The following CNTNAP5 variants were observed in gnomAD, a reference collection of about 807,000 sequenced individuals.
CNTNAP5 encodes the protein contactin associated protein family member 5.
In CNTNAP5, 72 loss-of-function variants were observed where a neutral mutation model predicts 150.2. The observed-to-expected ratio is 0.48, with a 90% CI of 0.40 to 0.58. The LOEUF is 0.58. CNTNAP5 is among the 20% of genes least tolerant of loss of function. The pLI is 0.00. For synonymous variants in CNTNAP5, 672 were observed against 619.8 expected (o/e 1.08, Z -1.25); for missense variants, 1,636 against 1,626.2 (o/e 1.01, Z -0.10).
At chr2:124,630,567 C>T (rs184905802) in intron 12 of CNTNAP5, among the ~76,000 whole-genome samples, 6 of 152,212 alleles carry the variant, frequency 3.9e-5, no homozygotes, top group Non-Finnish European at 7.4e-5. Context: ...ATTGAAGGAA[C>T]ATACCTCAAA....
chr2:124,589,285 A>G (rs1696624901), intron 11 of CNTNAP5, among the ~76,000 whole-genome samples: 1 of 152,150 alleles, frequency 6.6e-6, no homozygotes, highest in African/African-American at 2.4e-5. Flanking sequence ...ATGGAATCAT[A>G]CAATATATGC....
chr2:124,255,368 C>G (rs1687281527), intron 3 of CNTNAP5, among the ~76,000 whole-genome samples: 1 of 151,424 alleles, frequency 6.6e-6, no homozygotes, highest in Non-Finnish European at 1.5e-5. Context: ...ACTAAAAATA[C>G]AAAAATTTAG....
At chr2:124,064,999 TG>T (rs1253321143) in intron 1 of CNTNAP5, among the ~76,000 whole-genome samples, 1 of 152,186 alleles carries the variant, frequency 6.6e-6, no homozygotes, top group Non-Finnish European at 1.5e-5. Flanking sequence ...AATTATTTGT[TG>T]GATTAATTCT....
At chr2:124,388,276 G>C (rs1242746579) in intron 3 of CNTNAP5, among the ~76,000 whole-genome samples, 2 of 152,174 alleles carry the variant, frequency 1.3e-5, no homozygotes, top group Non-Finnish European at 2.9e-5. Flanking sequence ...CTGAAGCCTG[G>C]GGGAGCAGTG....
chr2:124,055,352 C>G (rs2104647035), intron 1 of CNTNAP5, among the ~76,000 whole-genome samples: 1 of 152,280 alleles, frequency 6.6e-6, no homozygotes, highest in South Asian at 2.1e-4. Context: ...CTGTCCTCCT[C>G]CTCATCTCCT....
At chr2:124,530,453 A>G (rs985333331) in intron 10 of CNTNAP5, among the ~76,000 whole-genome samples, 2 of 152,314 alleles carry the variant, frequency 1.3e-5, no homozygotes, top group Admixed American at 1.3e-4. Flanking sequence ...AGACCCTGAC[A>G]CCTGCTTCCC....
chr2:124,178,897 A>G (rs1573814649), intron 1 of CNTNAP5, among the ~76,000 whole-genome samples: 1 of 148,848 alleles, frequency 6.7e-6, no homozygotes, highest in Middle Eastern at 3.2e-3. Flanking sequence ...AAGCTCTCTG[A>G]TTTTTATTTG....
In CNTNAP5 at chr2:124,193,720, T is replaced by A. The variant is rs116808589; in HGVS notation, c.83-27985T>A. Among the ~76,000 whole-genome samples, 1,239 of 152,322 alleles carry A rather than the reference T, an allele frequency of 8.1e-3. 17 individuals are homozygous for A. Among genetic ancestry groups the A allele is most frequent in the African/African-American group, 0.027 (1,140 of 41,560 alleles). On this transcript the variant is annotated intron_variant, in intron 1 of 23. Transcript: ENST00000682447. ...TCACCCTAGTATTTCTTTTCTTTATTCTACAATTAGTTTATGAAATGTGAA... is the reference window on the plus strand; with the variant it reads ...TCACCCTAGTATTTCTTTTCTTTATACTACAATTAGTTTATGAAATGTGAA...
At chr2:124,530,187 G>C (rs1487112632) in intron 10 of CNTNAP5, among the ~76,000 whole-genome samples, 1 of 152,144 alleles carries the variant, frequency 6.6e-6, no homozygotes, top group Admixed American at 6.5e-5. Context: ...ACACATGTCT[G>C]TAATCTCAGC....
rs185446365 is a variant in CNTNAP5 at position 124,291,637 on chromosome 2, C to A, written c.381+49244C>A. Among the ~76,000 whole-genome samples, 257 of 151,830 alleles carry A rather than the reference C, an allele frequency of 1.7e-3. 1 individual carries two copies. Among genetic ancestry groups the A allele is most frequent in the Non-Finnish European group, 2.7e-3 (184 of 67,972 alleles). ...ATTTCCTAAGGAGAAAAAAATGCTG[C>A]CAAATAAACACTGACACACTGCTTT... is the stretch of plus-strand genomic sequence containing the variant. On this transcript the variant is annotated intron_variant, in intron 3 of 23. Transcript: ENST00000682447.
At chr2:124,371,341 C>T (rs1690520619) in intron 3 of CNTNAP5, among the ~76,000 whole-genome samples, 1 of 152,004 alleles carries the variant, frequency 6.6e-6, no homozygotes, top group South Asian at 2.1e-4. Context: ...CTTAGTCTAC[C>T]AAAGTATGTA....
chr2:124,675,995 G>A (rs1056842564), intron 13 of CNTNAP5, among the ~76,000 whole-genome samples: 1 of 151,996 alleles, frequency 6.6e-6, no homozygotes, highest in Non-Finnish European at 1.5e-5. Flanking sequence ...TACAGATACA[G>A]GTTTGTTTTC....
chr2:124,547,899 A>G (rs2104913451), intron 10 of CNTNAP5, among the ~76,000 whole-genome samples: 1 of 152,220 alleles, frequency 6.6e-6, no homozygotes, highest in South Asian at 2.1e-4. Flanking sequence ...GAGGTTCAGC[A>G]TTTCCTGAAG....
At chr2:124,602,643 G>A (rs1036718631) in intron 11 of CNTNAP5, among the ~76,000 whole-genome samples, 3 of 152,032 alleles carry the variant, frequency 2.0e-5, no homozygotes, top group African/African-American at 7.2e-5. Context: ...ATAGGCACAA[G>A]CTACGCACCC....
chr2:124,377,510 A>T (rs1240508946), intron 3 of CNTNAP5, among the ~76,000 whole-genome samples: 3 of 151,990 alleles, frequency 2.0e-5, no homozygotes, highest in Non-Finnish European at 4.4e-5. Context: ...CCCTATCTCT[A>T]CTAAAAATAT....
intron 3 of CNTNAP5, among the ~76,000 whole-genome samples, chr2:124,254,952 T>A (rs914086257): frequency 1.2e-4 from 18 of 151,930 alleles, no homozygotes; most frequent in African/African-American, 4.1e-4. Context: ...CTAACAAGGA[T>A]TCCCATATAA....
intron 18 of CNTNAP5, among the ~76,000 whole-genome samples, chr2:124,794,358 G>A (rs186597920): frequency 1.2e-4 from 19 of 152,318 alleles, no homozygotes; most frequent in Non-Finnish European, 2.6e-4. Flanking sequence ...TTCACAGGGA[G>A]TCGTGTTTAA....
At chr2:124,315,488 C>T (rs914708913) in intron 3 of CNTNAP5, among the ~76,000 whole-genome samples, 3 of 152,090 alleles carry the variant, frequency 2.0e-5, no homozygotes, top group Admixed American at 6.5e-5. Flanking sequence ...GGCTTCTGCT[C>T]GGCTATCACT....
chr2:124,425,046 C>T (rs1692206934), intron 4 of CNTNAP5, among the ~76,000 whole-genome samples: 1 of 152,190 alleles, frequency 6.6e-6, no homozygotes, highest in Admixed American at 6.5e-5. Flanking sequence ...GTAGTTGGAT[C>T]AACCACTTTA....
Sources: allele counts gnomAD v4.1 joint callset (sites outside exome capture counted in the v4.1 genomes callset), GRCh38; gene constraint gnomAD v4.1.1; transcripts MANE v1.5; gene names NCBI Gene and HGNC (gene_info 2026-07-23, HGNC 2026-07-21).